The following TRRAP variants were observed in gnomAD, a reference collection of about 807,000 sequenced individuals.
The protein encoded by TRRAP is transformation/transcription domain associated protein.
Under a neutral mutation model 438.8 loss-of-function variants are expected in TRRAP, and 41 were observed. The observed-to-expected ratio is 0.09, with a 90% CI of 0.07 to 0.12. TRRAP has a LOEUF of 0.12. Ranked by LOEUF, TRRAP falls within the 10% of genes least tolerant of loss-of-function variation. The probability of loss-of-function intolerance (pLI) is 1.00; values close to 1 mark genes in which losing one functional copy is unlikely to be tolerated. For missense variants in TRRAP, 3,122 were observed against 5,055.1 expected, an observed-to-expected ratio of 0.62 and a Z score of 11.60; for synonymous variants, 1,994 against 1,962.9, an observed-to-expected ratio of 1.02 and a Z score of -0.42.
chr7:98,905,004 G>C (rs376850897), intron 12 of TRRAP, among the ~76,000 whole-genome samples: 2 of 152,302 alleles, frequency 1.3e-5, no homozygotes, highest in East Asian at 3.9e-4. Flanking sequence ...ATTTTAACAA[G>C]TTCAGCATTT....
intron 69 of TRRAP, among the ~76,000 whole-genome samples, chr7:99,006,966 T>A (rs1794192996): frequency 6.6e-6 from 1 of 152,226 alleles, no homozygotes; most frequent in Non-Finnish European, 1.5e-5. Context: ...CCAGCGCTCC[T>A]GCCGCCTCCA....
chr7:98,946,892 T>G lies in TRRAP; in HGVS notation c.4548+942T>G, dbSNP rs577441189. ...AGTACCATTTTAGAATGTTATAATT[T>G]CAGGATAGAACTTACTCTTCCTAAG... On this transcript the variant is annotated intron_variant, in intron 33 of 72. Coordinates refer to ENST00000456197, the MANE Select transcript of TRRAP (RefSeq NM_001375524.1). Among the ~76,000 whole-genome samples, 6 of 152,352 alleles carry G rather than the reference T, an allele frequency of 3.9e-5. No individual in the cohort carries two copies. In the South Asian group the frequency reaches 1.2e-3, roughly 32 times the overall value.
At chr7:98,890,591 C>T (rs953726696) in intron 4 of TRRAP, 146 bp downstream of exon 4, 1 of 581,146 alleles carries the variant, frequency 1.7e-6, no homozygotes, top group Non-Finnish European at 2.9e-6. Flanking sequence ...GCTGCCTCCT[C>T]AGTTACATGT....
intron 58 of TRRAP, 123 bp from the exon 59 acceptor site, chr7:98,981,646 C>A: frequency 1.1e-6 from 1 of 930,052 alleles, no homozygotes; most frequent in Non-Finnish European, 1.6e-6. Context: ...TTTCTATAGC[C>A]TAATTTCTGT....
rs987738370 is a variant in TRRAP at position 98,917,797 on chromosome 7, T to C, written c.2622+118T>C. ...TGGACCAGTGCAGCTCTCTGTTTAA[T>C]TCATCTTCGTGAGTCTTCTGGTGGA... On this transcript the variant is annotated intron_variant, in intron 20 of 72. Coordinates refer to ENST00000456197, the MANE Select transcript of TRRAP (RefSeq NM_001375524.1). 16 of 1,344,250 alleles carry C rather than the reference T, an allele frequency of 1.2e-5. No homozygotes were observed. The African/African-American group carries it at 1.9e-4, about 16-fold the overall frequency. 83.3% of individuals were successfully genotyped at this position (1,344,250 alleles called of 1,614,324 possible). A position where few individuals can be genotyped will look rare whatever the true frequency, so the allele number is the denominator to read the frequency against.
In TRRAP at chr7:98,935,683, A is replaced by G. The variant is rs1015675400; in HGVS notation, c.4111+8A>G. ...TACGAATTGCGGCATTAAGTAAGTT[A>G]ATGAAAATCTACGGGGTATAAAAGT... On this transcript the variant is annotated splice_region_variant and intron_variant, in intron 28 of 72. Coordinates refer to ENST00000456197, the MANE Select transcript of TRRAP (RefSeq NM_001375524.1). The G allele has an allele frequency of 3.2e-6, 5 of 1,579,636 alleles. No individual in the cohort carries two copies. The South Asian group carries it at 4.5e-5, about 14-fold the overall frequency.
At position 99,011,028 on chromosome 7, in the gene TRRAP, G is replaced by A. The variant is rs1009515537; in HGVS notation, c.10939-24G>A. On this transcript the variant is annotated intron_variant, in intron 70 of 72. Transcript: ENST00000456197. This position sits in a 1 kb window ranked among gnomAD's most constrained non-coding sequence, Gnocchi z 7.1. ...AAAAAAATCAGTGAGTGAGATGGGA[G>A]TGTCACGGAGCGCTGTGTTTCAGGT... The A allele has an allele frequency of 3.1e-6, 5 of 1,597,678 alleles. No homozygotes were observed. Among genetic ancestry groups the A allele is most frequent in the Non-Finnish European group, 1.7e-6 (2 of 1,167,332 alleles).
chr7:98,925,138 G>T lies in TRRAP; in HGVS notation c.2850G>T (p.Leu950=), dbSNP rs782696027. 1.5e-5 allele frequency: 25 copies of T among 1,614,020 alleles called. No individual in the cohort carries two copies. Among genetic ancestry groups the T allele is most frequent in the Middle Eastern group, 1.6e-4 (1 of 6,084 alleles). The change falls in exon 22 of 73, where the codon CTG becomes CTT. Residue 950 remains leucine, a synonymous_variant. Coordinates refer to ENST00000456197, the MANE Select transcript of TRRAP (RefSeq NM_001375524.1). ...CCATTGAAACTGCTCTGGACTGCCTGAAAAGCGCCAACACTGAGCCCTACT... is the reference window on the plus strand; with the variant it reads ...CCATTGAAACTGCTCTGGACTGCCTTAAAAGCGCCAACACTGAGCCCTACT... The part of the protein sequence containing the change: ...EKAIETALDC[L]KSANTEPYYR...
intron 20 of TRRAP, 91 bp downstream of exon 20, chr7:98,917,770 G>A (rs1789576001): frequency 2.0e-6 from 3 of 1,492,092 alleles, no homozygotes; most frequent in Admixed American, 4.0e-5. Context: ...GGCTCTGCAA[G>A]ATGGACCAGT....
At position 98,912,252 on chromosome 7, in the gene TRRAP, G is replaced by GT. The variant is rs781790007; in HGVS notation, c.2199+45dup. 1.8e-5 allele frequency: 28 copies of GT among 1,591,950 alleles called. 1 individual carries two copies. In the East Asian group the frequency reaches 5.8e-4, roughly 33 times the overall value. On this transcript the variant is annotated intron_variant, in intron 18 of 72. Coordinates refer to ENST00000456197, the MANE Select transcript of TRRAP (RefSeq NM_001375524.1). Reference sequence around the variant, plus strand: ...AATCTAAGTAGTGCTTCTGTTCAGGGTTTTTTATTGTTGTTAGAGACAGGG... The same window carrying GT: ...AATCTAAGTAGTGCTTCTGTTCAGGGTTTTTTTATTGTTGTTAGAGACAGGG...
intron 51 of TRRAP, among the ~76,000 whole-genome samples, chr7:98,969,089 A>C (rs1792288095): frequency 1.3e-5 from 2 of 152,174 alleles, no homozygotes; most frequent in Non-Finnish European, 2.9e-5. Context: ...GCCATCTCTC[A>C]TTAGGACGAT....
At chr7:98,923,309 A>G (rs1311913273) in intron 21 of TRRAP, among the ~76,000 whole-genome samples, 3 of 152,208 alleles carry the variant, frequency 2.0e-5, no homozygotes. Context: ...TTGCAGAGGT[A>G]GGATCGTAAA....
chr7:98,949,418 G>GT lies in TRRAP; in HGVS notation c.4796dup (p.Leu1599PhefsTer63). 1.3e-6 allele frequency: 2 copies of GT among 1,532,430 alleles called. No individual in the cohort carries two copies. Among genetic ancestry groups the GT allele is most frequent in the Non-Finnish European group, 8.7e-7 (1 of 1,143,204 alleles). 94.9% of individuals were successfully genotyped at this position (1,532,430 alleles called of 1,614,324 possible). On this transcript the variant is annotated frameshift_variant and splice_region_variant, in exon 36 of 73. Coordinates refer to ENST00000456197, the MANE Select transcript of TRRAP (RefSeq NM_001375524.1). LOFTEE classifies it high-confidence loss of function. Reference sequence around the variant, plus strand: ...CTTTTCTATTTGTTTTGCTTTCAGAGTTTTTTAAAACACAAAGACGCCAGA... The same window carrying GT: ...CTTTTCTATTTGTTTTGCTTTCAGAGTTTTTTTAAAACACAAAGACGCCAGA...
chr7:98,964,952 T>TA (rs1481369426), intron 48 of TRRAP, among the ~76,000 whole-genome samples, 177 bp downstream of exon 48: 1 of 152,206 alleles, frequency 6.6e-6, no homozygotes, highest in African/African-American at 2.4e-5. Context: ...AACTCATTGT[T>TA]AAAAATGGAC....
intron 21 of TRRAP, 24 bp downstream of exon 21, chr7:98,921,977 T>A (rs782454023): frequency 6.2e-7 from 1 of 1,614,010 alleles, no homozygotes; most frequent in Non-Finnish European, 8.5e-7. Context: ...CAATGTCGTT[T>A]CGTTTTAAGC....
chr7:98,881,587 A>AG (rs1795438522), intron 2 of TRRAP: 1 of 260,108 alleles, frequency 3.8e-6, no homozygotes, highest in Non-Finnish European at 7.2e-6. Context: ...AAAAAAAAAA[A>AG]GAGAAATGCA....
Position 98,921,950 on chromosome 7 carries a change from G to A in TRRAP, c.2820G>A (p.Glu940=). 6.2e-7 allele frequency: 1 copy of A among 1,614,226 alleles called. No individual in the cohort carries two copies. Among genetic ancestry groups the A allele is most frequent in the Non-Finnish European group, 8.5e-7 (1 of 1,180,036 alleles). Residue 940 remains glutamate, a synonymous_variant, in exon 21 of 73, where the codon GAG becomes GAA. Coordinates refer to ENST00000456197, the MANE Select transcript of TRRAP (RefSeq NM_001375524.1). ...DCKASLQLPM[E]KAIETALDCL... ...AAGCTTCTCTCCAGCTCCCCATGGA[G>A]AAGGTAAGCTCTGTGACAATGTCGT... is the stretch of plus-strand genomic sequence containing the variant.
At position 98,959,501 on chromosome 7, in the gene TRRAP, G is replaced by C; in HGVS notation, c.6489+11G>C. On this transcript the variant is annotated intron_variant, in intron 45 of 72. Transcript: ENST00000456197. Reference sequence around the variant, plus strand: ...CTGCTGATGACTGTGGTGAGTGCGAGTGTCTGAAGGGCCAGGGCAGCGCCA... The same window carrying C: ...CTGCTGATGACTGTGGTGAGTGCGACTGTCTGAAGGGCCAGGGCAGCGCCA... 6.2e-7 allele frequency: 1 copy of C among 1,612,186 alleles called. No individual in the cohort carries two copies. The highest frequency in any genetic ancestry group is 8.5e-7 in the Non-Finnish European group (1 of 1,179,104).
chr7:99,006,154 T>C (rs539709622), intron 69 of TRRAP, among the ~76,000 whole-genome samples: 1 of 152,314 alleles, frequency 6.6e-6, no homozygotes, highest in Admixed American at 6.5e-5. Context: ...GTGGCCTGAT[T>C]GTACCGGCAC....
Sources: gnomAD v4.1 joint callset for allele counts (sites outside exome capture counted in the v4.1 genomes callset) on GRCh38, gnomAD v4.1.1 for gene constraint, Gnocchi (gnomAD v3.1) non-coding constraint, MANE v1.5 for transcripts, NCBI Gene and HGNC (gene_info 2026-07-23, HGNC 2026-07-21) for gene names.